Variants in ARHGEF7 observed in about 807,000 individuals in gnomAD.
ARHGEF7 encodes the protein PAK-interacting exchange factor beta.
In ARHGEF7, 33 loss-of-function variants were observed where a neutral mutation model predicts 109.8. The observed-to-expected ratio is 0.30, with a 90% CI of 0.23 to 0.40. The LOEUF is 0.40. ARHGEF7 is among the 10% of genes least tolerant of loss of function. The pLI, the probability that ARHGEF7 is intolerant of heterozygous loss-of-function variation, is 1.00. For missense variants in ARHGEF7, 938 were observed against 1,098.5 expected, an observed-to-expected ratio of 0.85 and a Z score of 2.07; for synonymous variants, 458 against 424.6, an observed-to-expected ratio of 1.08 and a Z score of -0.97.
chr13:111,267,677 T>A lies in ARHGEF7; in HGVS notation c.1073+7T>A, dbSNP rs1210426996. ...ATGTCCTCACGGAACACAGGTGCGC[T>A]TGCTAGGCACCTTGGCAACAGGGAG... On this transcript the variant is annotated splice_region_variant and intron_variant, in intron 9 of 21. Transcript: ENST00000646102. The A allele has an allele frequency of 6.2e-7, 1 of 1,613,354 alleles. No homozygotes were observed. Among genetic ancestry groups the A allele is most frequent in the African/African-American group, 1.3e-5 (1 of 74,922 alleles).
chr13:111,161,260 A>G (rs771172569), intron 2 of ARHGEF7, among the ~76,000 whole-genome samples: 8 of 152,014 alleles, frequency 5.3e-5, no homozygotes, highest in East Asian at 1.9e-4. Context: ...TGTGACTTTG[A>G]TCTTCAGCTG....
intron 8 of ARHGEF7, among the ~76,000 whole-genome samples, chr13:111,246,493 C>T (rs1287986628): frequency 1.3e-5 from 2 of 152,158 alleles, no homozygotes; most frequent in East Asian, 3.8e-4. Flanking sequence ...TTTGTCAAGG[C>T]ACTTTATACT....
chr13:111,251,271 A>G (rs2089725818), intron 8 of ARHGEF7, among the ~76,000 whole-genome samples: 1 of 152,202 alleles, frequency 6.6e-6, no homozygotes, highest in African/African-American at 2.4e-5. Context: ...ATCTGATATC[A>G]CAGGAGAGAG....
At chr13:111,133,803 ATATATATAT>A (rs1566606993) in intron 1 of ARHGEF7, among the ~76,000 whole-genome samples, 1,285 of 31,784 alleles carry the variant, frequency 0.04, 110 homozygotes, top group Non-Finnish European at 0.044. Context: ...ATATATATAT[ATATATATAT>A]ATTTATTATA....
chr13:111,268,975 C>T (rs1242940037), intron 9 of ARHGEF7, among the ~76,000 whole-genome samples: 2 of 152,150 alleles, frequency 1.3e-5, no homozygotes, highest in Non-Finnish European at 2.9e-5. Flanking sequence ...ATCTGCAGCC[C>T]TGAAAGGAAA....
intron 8 of ARHGEF7, among the ~76,000 whole-genome samples, chr13:111,245,408 A>G (rs145773112): frequency 0.017 from 2,546 of 152,272 alleles, 40 homozygotes; most frequent in Middle Eastern, 0.075. Context: ...ATAAGAGAAG[A>G]TGACACTTCA....
intron 18 of ARHGEF7, among the ~76,000 whole-genome samples, chr13:111,291,684 A>G (rs1221411199): frequency 1.3e-5 from 2 of 152,246 alleles, no homozygotes; most frequent in African/African-American, 4.8e-5. Flanking sequence ...AATTAGCCAC[A>G]TAAATGGCAC....
intron 4 of ARHGEF7, among the ~76,000 whole-genome samples, chr13:111,211,986 AGGGGCT>A (rs1209035623): frequency 2.6e-5 from 4 of 152,146 alleles, no homozygotes; most frequent in African/African-American, 9.7e-5. Context: ...CTGTGTTCTG[AGGGGCT>A]GGTGTTGTTT....
chr13:111,205,026 G>A (rs1274158522), intron 2 of ARHGEF7, among the ~76,000 whole-genome samples: 1 of 151,192 alleles, frequency 6.6e-6, no homozygotes, highest in African/African-American at 2.4e-5. Context: ...CCGTGAATGA[G>A]CTCACACTCC....
intron 1 of ARHGEF7, among the ~76,000 whole-genome samples, chr13:111,136,427 A>T (rs2075091391): frequency 6.6e-6 from 1 of 152,256 alleles, no homozygotes; most frequent in African/African-American, 2.4e-5. Context: ...ATTAGAACTC[A>T]GGATTAAGAA....
chr13:111,245,643 C>G (rs2088693463), intron 8 of ARHGEF7, among the ~76,000 whole-genome samples: 1 of 152,160 alleles, frequency 6.6e-6, no homozygotes, highest in Non-Finnish European at 1.5e-5. Flanking sequence ...CTTCAAGGCC[C>G]TCATCTCCTC....
At chr13:111,291,962 A>T (rs2093302223) in intron 18 of ARHGEF7, among the ~76,000 whole-genome samples, 156 bp from the exon 19 acceptor site, 1 of 152,194 alleles carries the variant, frequency 6.6e-6, no homozygotes, top group African/African-American at 2.4e-5. Flanking sequence ...ATATAAGGAA[A>T]AATATGCATT....
At chr13:111,233,906 C>T (rs1052614181) in intron 6 of ARHGEF7, among the ~76,000 whole-genome samples, 2 of 152,118 alleles carry the variant, frequency 1.3e-5, no homozygotes, top group Non-Finnish European at 2.9e-5. Context: ...AAATCTGTGT[C>T]GTCTAAACCT....
At chr13:111,271,632 G>A (rs1052604501) in intron 9 of ARHGEF7, among the ~76,000 whole-genome samples, 13 of 152,172 alleles carry the variant, frequency 8.5e-5, no homozygotes, top group African/African-American at 2.4e-4. Flanking sequence ...ACTTGCTCTC[G>A]TGCGTGCGTG....
At chr13:111,208,181 C>G (rs937707094) in intron 3 of ARHGEF7, among the ~76,000 whole-genome samples, 1 of 152,210 alleles carries the variant, frequency 6.6e-6, no homozygotes, top group Non-Finnish European at 1.5e-5. Flanking sequence ...GCTGGGATTA[C>G]AGACACGTGG....
intron 19 of ARHGEF7, among the ~76,000 whole-genome samples, chr13:111,299,292 C>T (rs73622181): frequency 0.013 from 1,930 of 151,472 alleles, 45 homozygotes; most frequent in African/African-American, 0.045. Flanking sequence ...CCTTGTTCTG[C>T]TCAGGGGAGC....
chr13:111,163,954 G>A (rs150130776), intron 2 of ARHGEF7, among the ~76,000 whole-genome samples: 3 of 152,164 alleles, frequency 2.0e-5, no homozygotes, highest in South Asian at 2.1e-4. Context: ...CTATAAAATC[G>A]TGTTGGAATT....
rs2076567143 is a variant in ARHGEF7, at chr13:111,159,217, C to G, written c.252+5226C>G. The G allele has an allele frequency of 1.6e-5, 10 of 621,466 alleles. No individual in the cohort carries two copies. In the South Asian group the frequency reaches 1.7e-4, roughly 11 times the overall value. 38.5% of individuals were successfully genotyped at this position (621,466 alleles called of 1,614,324 possible). A position where few individuals can be genotyped will look rare whatever the true frequency, so the allele number is the denominator to read the frequency against. On this transcript the variant is annotated intron_variant, in intron 2 of 21. Transcript: ENST00000646102. ...TTGTTGTTGCAAATAACAGGATTTC[C>G]TTTTTTTAAAAGTCTGACTAGTATT...
intron 1 of ARHGEF7, among the ~76,000 whole-genome samples, chr13:111,139,420 G>A (rs997128342): frequency 4.6e-5 from 7 of 152,130 alleles, no homozygotes; most frequent in African/African-American, 1.7e-4. Context: ...CTCCCTCTCT[G>A]TGTCTATGTC....
Sources: allele counts gnomAD v4.1 joint callset (sites outside exome capture counted in the v4.1 genomes callset), GRCh38; gene constraint gnomAD v4.1.1; transcripts MANE v1.5; gene names NCBI Gene and HGNC (gene_info 2026-07-23, HGNC 2026-07-21).